The following RORB variants were observed in gnomAD, a reference collection of about 807,000 sequenced individuals.
The protein encoded by RORB is nuclear receptor ROR-beta.
A neutral mutation model predicts 59.1 loss-of-function variants in RORB; 6 were observed. That is an observed-to-expected ratio of 0.10 (90% CI 0.06 to 0.20). RORB has a LOEUF of 0.20. Among genes scored for constraint, RORB ranks in the 10% least tolerant of loss-of-function variants. RORB has a pLI of 1.00. For missense variants in RORB, 320 were observed against 560.5 expected (o/e 0.57, Z 4.33); for synonymous variants, 215 against 204.5 (o/e 1.05, Z -0.44).
At chr9:74,579,836 A>G (rs531536981) in intron 1 of RORB, among the ~76,000 whole-genome samples, 10 of 152,166 alleles carry the variant, frequency 6.6e-5, no homozygotes, top group Non-Finnish European at 1.3e-4. Flanking sequence ...TGCGAGAGCA[A>G]GAGCGGTGTT....
rs565003982 is a variant in RORB, at chr9:74,603,685, G to A, written c.8-26597G>A. On this transcript the variant is annotated intron_variant, in intron 1 of 9. Coordinates refer to ENST00000376896, the MANE Select transcript of RORB (RefSeq NM_006914.4). ...TAACTTACTTAGTCCATTACTAGGA[G>A]TTATTAAAATGTTGGTATTCACAAA... 2.0e-3 allele frequency among the ~76,000 whole-genome samples: 297 copies of A among 152,280 alleles called. 3 individuals are homozygous for A. Among genetic ancestry groups the A allele is most frequent in the African/African-American group, 7.0e-3 (289 of 41,540 alleles).
chr9:74,504,717 T>C (rs995116121), intron 1 of RORB, among the ~76,000 whole-genome samples: 1 of 152,064 alleles, frequency 6.6e-6, no homozygotes, highest in South Asian at 2.1e-4. Flanking sequence ...TAAATTATGC[T>C]TTTCTTACTA....
At chr9:74,666,079 G>C (rs1317870150) in intron 7 of RORB, among the ~76,000 whole-genome samples, 2 of 152,162 alleles carry the variant, frequency 1.3e-5, no homozygotes, top group Non-Finnish European at 2.9e-5. Flanking sequence ...TTGAGGTCAG[G>C]AGTTCTAGAC....
chr9:74,596,452 T>A (rs143319840), intron 1 of RORB, among the ~76,000 whole-genome samples: 2 of 152,312 alleles, frequency 1.3e-5, no homozygotes, highest in Non-Finnish European at 2.9e-5. Flanking sequence ...TTATTGTGTG[T>A]CGTGGCCTCC....
At chr9:74,583,150 G>C (rs915964001) in intron 1 of RORB, among the ~76,000 whole-genome samples, 1 of 152,050 alleles carries the variant, frequency 6.6e-6, no homozygotes, top group African/African-American at 2.4e-5. Flanking sequence ...ACCACTTCAA[G>C]GACTGACACA....
At chr9:74,636,027 C>G (rs79119395) in intron 3 of RORB, among the ~76,000 whole-genome samples, 9 of 147,862 alleles carry the variant, frequency 6.1e-5, no homozygotes, top group Admixed American at 5.4e-4. Flanking sequence ...GCTACAGAGA[C>G]GAGGTTTCCA....
intron 9 of RORB, among the ~76,000 whole-genome samples, chr9:74,684,019 C>T (rs1476954719): frequency 1.3e-5 from 2 of 152,124 alleles, no homozygotes; most frequent in Admixed American, 6.5e-5. Flanking sequence ...ACAAAGATTC[C>T]GCATTTTTCA....
chr9:74,545,200 A>G (rs1826468774), intron 1 of RORB, among the ~76,000 whole-genome samples: 1 of 151,432 alleles, frequency 6.6e-6, no homozygotes, highest in South Asian at 2.1e-4. Flanking sequence ...CATGGAGTTC[A>G]TGGCTTAATT....
chr9:74,537,304 T>C (rs1040363665), intron 1 of RORB, among the ~76,000 whole-genome samples: 2 of 152,080 alleles, frequency 1.3e-5, no homozygotes, highest in Non-Finnish European at 2.9e-5. Flanking sequence ...AACGAAGTAA[T>C]AACGTATTAA....
chr9:74,617,704 G>A (rs762640918), intron 1 of RORB, among the ~76,000 whole-genome samples: 1 of 152,042 alleles, frequency 6.6e-6, no homozygotes, highest in Non-Finnish European at 1.5e-5. Context: ...GTGACATTTC[G>A]CTTAGGGTGA....
intron 1 of RORB, among the ~76,000 whole-genome samples, chr9:74,582,879 A>T (rs960420453): frequency 6.6e-6 from 1 of 152,192 alleles, no homozygotes; most frequent in African/African-American, 2.4e-5. Flanking sequence ...CAAAATAAAA[A>T]AGATTCACTT....
At chr9:74,591,950 G>A (rs1316543020) in intron 1 of RORB, among the ~76,000 whole-genome samples, 1 of 152,064 alleles carries the variant, frequency 6.6e-6, no homozygotes, top group African/African-American at 2.4e-5. Context: ...GAGTGAGAGA[G>A]AGAGAGACAG....
intron 1 of RORB, among the ~76,000 whole-genome samples, chr9:74,572,134 C>T (rs1345944871): frequency 1.3e-5 from 2 of 152,182 alleles, no homozygotes; most frequent in Non-Finnish European, 1.5e-5. Context: ...TTGTACCATG[C>T]GATACTGAAT....
chr9:74,526,654 A>G (rs941051349), intron 1 of RORB, among the ~76,000 whole-genome samples: 9 of 151,958 alleles, frequency 5.9e-5, no homozygotes, highest in Non-Finnish European at 1.2e-4. Context: ...TTAGATGCCC[A>G]ATGTACTGTG....
intron 1 of RORB, among the ~76,000 whole-genome samples, chr9:74,567,920 T>C (rs1210578501): frequency 1.3e-5 from 2 of 152,194 alleles, no homozygotes; most frequent in African/African-American, 2.4e-5. Flanking sequence ...TGACTTGTCA[T>C]AGAGCTTTCA....
At chr9:74,556,981 G>A (rs1199841650) in intron 1 of RORB, among the ~76,000 whole-genome samples, 3 of 151,826 alleles carry the variant, frequency 2.0e-5, no homozygotes, top group Non-Finnish European at 2.9e-5. Context: ...CTATACTATC[G>A]TATGGTAGAT....
At chr9:74,572,725 T>G (rs899310483) in intron 1 of RORB, among the ~76,000 whole-genome samples, 13 of 152,186 alleles carry the variant, frequency 8.5e-5, no homozygotes, top group African/African-American at 3.1e-4. Context: ...TTAGCTAAAT[T>G]CAGCTGAAAT....
At chr9:74,550,260 AG>A (rs749021293) in intron 1 of RORB, among the ~76,000 whole-genome samples, 10 of 152,248 alleles carry the variant, frequency 6.6e-5, no homozygotes, top group Non-Finnish European at 5.9e-5. Flanking sequence ...GATTGTTTAA[AG>A]TCACTTGCAA....
At chr9:74,558,262 G>A (rs543792039) in intron 1 of RORB, among the ~76,000 whole-genome samples, 52 of 152,180 alleles carry the variant, frequency 3.4e-4, no homozygotes, top group Non-Finnish European at 6.3e-4. Flanking sequence ...GTGTGCCTAC[G>A]GTTTGAAAGG....
Sources: gnomAD v4.1 joint callset for allele counts (sites outside exome capture counted in the v4.1 genomes callset) on GRCh38, gnomAD v4.1.1 for gene constraint, MANE v1.5 for transcripts, NCBI Gene and HGNC (gene_info 2026-07-23, HGNC 2026-07-21) for gene names.